The following CLVS1 variants were observed in gnomAD, a reference collection of about 807,000 sequenced individuals.
The protein encoded by CLVS1 is clavesin-1.
A neutral mutation model predicts 33.1 loss-of-function variants in CLVS1; 10 were observed. The observed-to-expected ratio is 0.30, with a 90% CI of 0.19 to 0.51. The LOEUF is 0.51. CLVS1 is among the 20% of genes least tolerant of loss of function. The probability of loss-of-function intolerance (pLI) is 0.97; values close to 1 mark genes in which losing one functional copy is unlikely to be tolerated. For synonymous variants in CLVS1, 163 were observed against 166.1 expected, an observed-to-expected ratio of 0.98 and a Z score of 0.14; for missense variants, 343 against 433.4, an observed-to-expected ratio of 0.79 and a Z score of 1.85.
intron 2 of CLVS1, among the ~76,000 whole-genome samples, chr8:61,251,771 AT>A (rs1307517631): frequency 2.6e-5 from 4 of 151,888 alleles, no homozygotes; most frequent in Non-Finnish European, 4.4e-5. Flanking sequence ...CCCCTATATA[AT>A]TTTTTATTGT....
At chr8:61,099,575 T>G (rs1222912412) in intron 1 of CLVS1, among the ~76,000 whole-genome samples, 1 of 152,090 alleles carries the variant, frequency 6.6e-6, no homozygotes, top group East Asian at 1.9e-4. Flanking sequence ...CAAAGTGTAG[T>G]CAGGGTGAAT....
intron 3 of CLVS1, among the ~76,000 whole-genome samples, chr8:61,411,066 G>T (rs1325802715): frequency 6.6e-6 from 1 of 152,244 alleles, no homozygotes; most frequent in South Asian, 2.1e-4. Context: ...ACATGTGGGG[G>T]ACCTATATCT....
At chr8:61,153,421 G>A (rs1490856542) in intron 2 of CLVS1, among the ~76,000 whole-genome samples, 1 of 152,202 alleles carries the variant, frequency 6.6e-6, no homozygotes, top group Non-Finnish European at 1.5e-5. Flanking sequence ...TTGTGAAAAT[G>A]TTTACAGGTT....
chr8:61,275,278 C>T (rs1563473153), intron 2 of CLVS1, among the ~76,000 whole-genome samples: 1 of 151,958 alleles, frequency 6.6e-6, no homozygotes, highest in Non-Finnish European at 1.5e-5. Context: ...ATTCCTGACC[C>T]CATTTATGAA....
intron 3 of CLVS1, among the ~76,000 whole-genome samples, chr8:61,449,327 A>G (rs1816871773): frequency 6.6e-6 from 1 of 152,140 alleles, no homozygotes; most frequent in Non-Finnish European, 1.5e-5. Context: ...CTCATTACTG[A>G]CAGGTGGGGG....
At chr8:61,479,867 G>A (rs890772226) in intron 5 of CLVS1, among the ~76,000 whole-genome samples, 4 of 152,212 alleles carry the variant, frequency 2.6e-5, no homozygotes, top group Non-Finnish European at 4.4e-5. Context: ...CTGTTTGCCT[G>A]GGTATCAGCA....
chr8:61,445,102 CTATAA>C (rs1222988522), intron 3 of CLVS1, among the ~76,000 whole-genome samples: 4 of 152,252 alleles, frequency 2.6e-5, no homozygotes, highest in East Asian at 1.9e-4. Flanking sequence ...ACATTGATTT[CTATAA>C]TATAAGTTAG....
chr8:61,213,996 C>T (rs1160339095), intron 2 of CLVS1, among the ~76,000 whole-genome samples: 2 of 152,104 alleles, frequency 1.3e-5, no homozygotes, highest in Non-Finnish European at 2.9e-5. Context: ...CAAGGTGTGC[C>T]CGTCTCTTAT....
Position 61,450,869 on chromosome 8 carries a change from G to T in CLVS1, c.631-3272G>T, listed in dbSNP as rs184090285. Among the ~76,000 whole-genome samples the T allele has an allele frequency of 5.3e-5, 8 of 152,258 alleles. No individual in the cohort carries two copies. In the East Asian group the frequency reaches 1.5e-3, roughly 29 times the overall value. The stretch of plus-strand genomic sequence containing the variant: ...TGGTCCTTTTCTTACTGGAAACATG[G>T]TAGATTTTACTTTCTGATCCCCTGG... On this transcript the variant is annotated intron_variant, in intron 3 of 5. Coordinates refer to ENST00000325897, the MANE Select transcript of CLVS1 (RefSeq NM_173519.3).
chr8:61,018,500 G>A, the CLVS1 span, among the ~76,000 whole-genome samples: 1 of 152,208 alleles, frequency 6.6e-6, no homozygotes, highest in Non-Finnish European at 1.5e-5. Flanking sequence ...GGAACAGTGT[G>A]TGCAAAGAGA....
Position 61,249,207 on chromosome 8 carries a change from T to G in CLVS1, c.-151-50470T>G, listed in dbSNP as rs188311356. Among the ~76,000 whole-genome samples the G allele has an allele frequency of 6.2e-4, 94 of 152,218 alleles. 1 individual carries two copies. Among genetic ancestry groups the G allele is most frequent in the Admixed American group, 3.1e-3 (48 of 15,284 alleles). On this transcript the variant is annotated intron_variant, in intron 2 of 2. Coordinates refer to the CLVS1 transcript ENST00000522621. ...GTCCCAGTGTTAATTTGCTGAGAAT[T>G]ATGGTTTCCAGCTTCCTCCATGTCC...
chr8:61,458,436 G>T lies in CLVS1; in HGVS notation c.871G>T (p.Asp291Tyr). ...GTWARTLLGP[D>Y]YSDENDYTHT... Reference sequence around the variant, plus strand: ...TTGGGCCCGGACGTTACTCGGTCCCGACTACAGCGATGAAAATGACTATAC... The same window carrying T: ...TTGGGCCCGGACGTTACTCGGTCCCTACTACAGCGATGAAAATGACTATAC... The change falls in exon 5 of 6, where the codon GAC (aspartate) becomes TAC (tyrosine). Residue 291 changes from aspartate (D) to tyrosine (Y), a missense_variant. Around this residue, in one of 4 missense-constraint regions of CLVS1, gnomAD observed 86 missense variants for 95.0 expected, o/e 0.91. Coordinates refer to ENST00000325897, the MANE Select transcript of CLVS1 (RefSeq NM_173519.3). 6.2e-7 allele frequency: 1 copy of T among 1,613,962 alleles called. No individual in the cohort carries two copies.
At chr8:61,404,217 G>A (rs1814889561) in intron 3 of CLVS1, among the ~76,000 whole-genome samples, 1 of 152,166 alleles carries the variant, frequency 6.6e-6, no homozygotes, top group African/African-American at 2.4e-5. Flanking sequence ...CAAGCCCTCT[G>A]CAGCCAGAGT....
chr8:61,476,010 C>T lies in CLVS1; in HGVS notation c.977+17468C>T, dbSNP rs1586028163. ...GAAGGGATCCAGTTTCAGCTTTCTACATATGGCTAGCCAGTTTTCCCAGCA... is the reference window on the plus strand; with the variant it reads ...GAAGGGATCCAGTTTCAGCTTTCTATATATGGCTAGCCAGTTTTCCCAGCA... On this transcript the variant is annotated intron_variant, in intron 5 of 5. Transcript: ENST00000325897. 3.3e-5 allele frequency among the ~76,000 whole-genome samples: 5 copies of T among 152,336 alleles called. No individual in the cohort carries two copies. The East Asian group carries it at 9.6e-4, about 29-fold the overall frequency.
intron 5 of CLVS1, among the ~76,000 whole-genome samples, chr8:61,477,299 T>C (rs1488848444): frequency 6.6e-6 from 1 of 152,216 alleles, no homozygotes; most frequent in East Asian, 1.9e-4. Context: ...GGTATCAGGA[T>C]GATGTTGGCT....
At chr8:61,319,804 T>G (rs555239677) in intron 2 of CLVS1, among the ~76,000 whole-genome samples, 39 of 152,338 alleles carry the variant, frequency 2.6e-4, no homozygotes, top group African/African-American at 8.4e-4. Context: ...AAAATAAATG[T>G]ATTTTTGCAT....
At chr8:61,382,806 A>G (rs1813937447) in intron 3 of CLVS1, among the ~76,000 whole-genome samples, 1 of 152,176 alleles carries the variant, frequency 6.6e-6, no homozygotes, top group African/African-American at 2.4e-5. Flanking sequence ...GGGTGAGAGT[A>G]GAGCCCACTG....
intron 2 of CLVS1, among the ~76,000 whole-genome samples, chr8:61,222,603 G>A (rs1196485235): frequency 6.6e-6 from 1 of 152,142 alleles, no homozygotes; most frequent in East Asian, 1.9e-4. Flanking sequence ...CAATTATGTG[G>A]TCGATTTTAG....
intron 2 of CLVS1, among the ~76,000 whole-genome samples, chr8:61,250,713 C>G (rs540582662): frequency 6.6e-6 from 1 of 152,204 alleles, no homozygotes; most frequent in East Asian, 1.9e-4. Context: ...ATTTGGCTCT[C>G]TGTTTGTCTG....
Sources: allele counts gnomAD v4.1 joint callset (sites outside exome capture counted in the v4.1 genomes callset), GRCh38; gene constraint gnomAD v4.1.1; regional missense constraint gnomAD v4.1.1; transcripts MANE v1.5; gene names NCBI Gene and HGNC (gene_info 2026-07-23, HGNC 2026-07-21).